FADS2: variants seen among roughly 807,000 people sequenced by gnomAD.
FADS2 encodes the protein fatty acid desaturase 2.
In FADS2, 18 loss-of-function variants were observed where a neutral mutation model predicts 61.2. The observed-to-expected ratio is 0.29, with a 90% confidence interval of 0.20 to 0.44. FADS2 has a LOEUF of 0.44. FADS2 is among the 20% of genes least tolerant of loss of function. The pLI is 1.00. For missense variants in FADS2, 322 were observed against 572.7 expected (o/e 0.56, Z 4.47); for synonymous variants, 203 against 223.9 (o/e 0.91, Z 0.83).
At chr11:61,826,698 G>A (rs1171470935), upstream of FADS2, among the ~76,000 whole-genome samples, 1 of 152,148 alleles carries the variant, frequency 6.6e-6, no homozygotes, top group Non-Finnish European at 1.5e-5. Context: ...AGTCTGTGGA[G>A]TGAATGAAGG....
At chr11:61,844,446 G>A (rs549602660) in intron 4 of FADS2, among the ~76,000 whole-genome samples, 60 of 152,232 alleles carry the variant, frequency 3.9e-4, no homozygotes, top group African/African-American at 1.4e-3. Flanking sequence ...GTGCTCGGGA[G>A]GCTAAGACAG....
chr11:61,837,060 T>C (rs1294180722), intron 1 of FADS2, among the ~76,000 whole-genome samples: 2 of 152,270 alleles, frequency 1.3e-5, no homozygotes, highest in Non-Finnish European at 2.9e-5. Context: ...TTTATTCTGC[T>C]GTGCCTTTTC....
rs376671519 is a variant in FADS2, at chr11:61,865,599, G to C, written c.1284-39G>C. On this transcript the variant is annotated intron_variant, in intron 11 of 11. Coordinates refer to ENST00000278840, the MANE Select transcript of FADS2 (RefSeq NM_004265.4). The surrounding 1 kb of genome is among the most constrained non-coding windows in gnomAD (Gnocchi z 4.1). ...CCTTGCACTCCCTGGGGCCACTCCC[G>C]TCCTGGTCCCTGACCCTGGTCCATC... is the stretch of plus-strand genomic sequence containing the variant. 1.2e-6 allele frequency: 2 copies of C among 1,602,206 alleles called. No individual in the cohort carries two copies.
At position 61,840,448 on chromosome 11, in the gene FADS2, A is replaced by G. The variant is rs2067209281; in HGVS notation, c.433A>G (p.Ser145Gly). The G allele has an allele frequency of 6.2e-7, 1 of 1,614,076 alleles. No individual in the cohort carries two copies. The highest frequency in any genetic ancestry group is 8.5e-7 in the Non-Finnish European group (1 of 1,180,008). The change falls in exon 3 of 12, where the codon AGC becomes GGC. Residue 145 changes from serine (S) to glycine (G), a missense_variant. Around this residue, in one of 3 missense-constraint regions of FADS2, gnomAD observed 221 missense variants for 427.9 expected, o/e 0.52. Coordinates refer to ENST00000278840, the MANE Select transcript of FADS2 (RefSeq NM_004265.4). ...CCTGGCCCACATCATCGCCCTGGAG[A>G]GCATTGCATGGTTCACTGTCTTTTA... ...LLLAHIIALESIAWFTVFYFG... is the reference protein window; with the variant it reads ...LLLAHIIALEGIAWFTVFYFG...
intron 5 of FADS2, chr11:61,854,695 A>G (rs1268725206): frequency 6.6e-6 from 1 of 152,268 alleles, no homozygotes; most frequent in Non-Finnish European, 1.5e-5. Flanking sequence ...AGAGTTAGCC[A>G]CAGGGCAGGG....
intron 4 of FADS2, among the ~76,000 whole-genome samples, chr11:61,841,289 A>T (rs1040973954): frequency 2.0e-5 from 3 of 151,988 alleles, no homozygotes; most frequent in Admixed American, 2.0e-4. Context: ...TGACCTTGTG[A>T]TCTACCTGCC....
intron 5 of FADS2, chr11:61,849,646 C>T (rs1340686679): frequency 6.6e-6 from 1 of 152,118 alleles, no homozygotes; most frequent in Non-Finnish European, 1.5e-5. Flanking sequence ...ATTTTATGCC[C>T]TTGAGGGTAA....
upstream of FADS2, among the ~76,000 whole-genome samples, chr11:61,825,513 G>T (rs1446654975): frequency 6.6e-6 from 1 of 151,906 alleles, no homozygotes; most frequent in African/African-American, 2.4e-5. Flanking sequence ...AGCTACTCAG[G>T]AGGCTGAGGC....
At chr11:61,838,063 G>C (rs369037848) in intron 2 of FADS2, among the ~76,000 whole-genome samples, 175 bp downstream of exon 2, 1 of 152,150 alleles carries the variant, frequency 6.6e-6, no homozygotes, top group South Asian at 2.1e-4. Flanking sequence ...GAGCCTCCCT[G>C]GGAGCCGGGG....
chr11:61,816,950 G>A lies in FADS2; in HGVS notation c.141+524G>A. 2 of 1,375,526 alleles carry A rather than the reference G, an allele frequency of 1.5e-6. No homozygotes were observed. The highest frequency in any genetic ancestry group is 1.9e-6 in the Non-Finnish European group (2 of 1,073,178). The allele number at this position is 1,375,526 out of a possible 1,614,324, so 85.2% of individuals were successfully genotyped here. ...CCCATTGGCCGAGCCTCGTGGCGCG[G>A]GGAGCGAGATCCCGTCCCCCGGTGG... On this transcript the variant is annotated intron_variant, in intron 1 of 11. Transcript: ENST00000257261. The surrounding 1 kb of genome is among the most constrained non-coding windows in gnomAD (Gnocchi z 7.0).
chr11:61,817,061 C>A, intron 1 of FADS2: 1 of 1,102,944 alleles, frequency 9.1e-7, no homozygotes, highest in East Asian at 3.2e-5. Flanking sequence ...GACTTCCTGA[C>A]GTCAGGCGGG....
intron 7 of FADS2, 72 bp from the exon 8 acceptor site, chr11:61,862,900 C>T (rs542058010): frequency 8.2e-7 from 1 of 1,221,838 alleles, no homozygotes. Context: ...GGTGTGTGCA[C>T]ATCTGGGGCA....
Position 61,857,314 on chromosome 11 carries a change from C to A in FADS2, c.806-140C>A. 3.7e-6 allele frequency: 3 copies of A among 809,962 alleles called. No individual in the cohort carries two copies. The Admixed American group carries it at 5.8e-5, about 16-fold the overall frequency. The allele number at this position is 809,962 out of a possible 1,614,324, so 50.2% of individuals were successfully genotyped here. On this transcript the variant is annotated intron_variant, in intron 6 of 11. Coordinates refer to ENST00000278840, the MANE Select transcript of FADS2 (RefSeq NM_004265.4). ...CCTCAAGGGCTCCCAGCCTTCTCTGCAGGCCCCGGGGTCCCTGGCTGCTTC... is the reference window on the plus strand; with the variant it reads ...CCTCAAGGGCTCCCAGCCTTCTCTGAAGGCCCCGGGGTCCCTGGCTGCTTC...
At chr11:61,860,224 C>A (rs2067401522) in intron 7 of FADS2, among the ~76,000 whole-genome samples, 1 of 152,238 alleles carries the variant, frequency 6.6e-6, no homozygotes, top group African/African-American at 2.4e-5. Flanking sequence ...GTGCTTAGCA[C>A]CCTGCCATGC....
intron 7 of FADS2, among the ~76,000 whole-genome samples, chr11:61,857,936 C>T (rs956251501): frequency 3.3e-5 from 5 of 152,186 alleles, no homozygotes; most frequent in Non-Finnish European, 7.4e-5. Flanking sequence ...TGGTCGTTTG[C>T]GAAGACCGTA....
chr11:61,859,796 C>A (rs963570348), intron 7 of FADS2, among the ~76,000 whole-genome samples: 3 of 152,110 alleles, frequency 2.0e-5, no homozygotes, highest in African/African-American at 7.2e-5. Flanking sequence ...ACCAGCCTGG[C>A]CAGCATGGTG....
At chr11:61,857,727 C>A (rs1050534613) in intron 7 of FADS2, among the ~76,000 whole-genome samples, 197 bp downstream of exon 7, 2 of 152,174 alleles carry the variant, frequency 1.3e-5, no homozygotes, top group African/African-American at 4.8e-5. Context: ...TCTCTACTCT[C>A]CCTCAGACAT....
chr11:61,817,216 G>A (rs1344657095), intron 1 of FADS2: 2 of 356,038 alleles, frequency 5.6e-6, no homozygotes, highest in Non-Finnish European at 1.0e-5. Flanking sequence ...CGGGGCCGGG[G>A]TTGAGGTTTT....
At chr11:61,860,624 A>C (rs2067405536) in intron 7 of FADS2, among the ~76,000 whole-genome samples, 1 of 152,200 alleles carries the variant, frequency 6.6e-6, no homozygotes, top group South Asian at 2.1e-4. Context: ...CTCTACACTC[A>C]AAAGAAGTCC....
Sources: allele counts gnomAD v4.1 joint callset (sites outside exome capture counted in the v4.1 genomes callset), GRCh38; gene constraint gnomAD v4.1.1; regional missense constraint gnomAD v4.1.1; non-coding constraint Gnocchi (gnomAD v3.1); transcripts MANE v1.5; gene names NCBI Gene and HGNC (gene_info 2026-07-23, HGNC 2026-07-21).